SLC13A3: variants seen among roughly 807,000 people sequenced by gnomAD.
SLC13A3 encodes the protein solute carrier family 13 member 3, also known as Na(+)/dicarboxylate cotransporter 3.
Under a neutral mutation model 59.0 loss-of-function variants are expected in SLC13A3, and 40 were observed. The observed-to-expected ratio is 0.68, with a 90% confidence interval of 0.53 to 0.88. The LOEUF (loss-of-function observed/expected upper bound fraction) is 0.88. Ranked by LOEUF, SLC13A3 falls within the 40% of genes least tolerant of loss-of-function variation. The probability of loss-of-function intolerance (pLI) is 0.00; values close to 1 mark genes in which losing one functional copy is unlikely to be tolerated. For missense variants in SLC13A3, 699 were observed against 783.2 expected (o/e 0.89, Z 1.28); for synonymous variants, 317 against 330.3 (o/e 0.96, Z 0.44).
intron 9 of SLC13A3, among the ~76,000 whole-genome samples, chr20:46,576,609 GGTAACTCC>G (rs1232680584): frequency 2.6e-5 from 4 of 152,106 alleles, no homozygotes; most frequent in Non-Finnish European, 5.9e-5. Context: ...GACACCTGAT[GGTAACTCC>G]GTAAATATTT....
intron 1 of SLC13A3, among the ~76,000 whole-genome samples, chr20:46,646,127 G>T (rs2062891961): frequency 6.6e-6 from 1 of 152,138 alleles, no homozygotes; most frequent in Non-Finnish European, 1.5e-5. Context: ...GCCAGAGAAG[G>T]TGCTCAATCC....
intron 8 of SLC13A3, chr20:46,584,511 A>T: frequency 1.0e-6 from 1 of 984,854 alleles, no homozygotes; most frequent in African/African-American, 1.7e-5. Context: ...CCACTCACAC[A>T]TTTGGAAAGG....
intron 12 of SLC13A3, 121 bp downstream of exon 12, chr20:46,563,293 A>C: frequency 8.6e-7 from 1 of 1,163,510 alleles, no homozygotes; most frequent in Admixed American, 2.8e-5. Context: ...CCCACTCAGA[A>C]AGATCTATTC....
chr20:46,681,116 GCTGGAC>G (rs750975751), intron 1 of SLC13A3, among the ~76,000 whole-genome samples: 5 of 152,252 alleles, frequency 3.3e-5, no homozygotes, highest in Non-Finnish European at 7.3e-5. Context: ...CCAGGCCGCG[GCTGGAC>G]CTTGTCATCC....
chr20:46,674,637 T>TG (rs1164243949), upstream of SLC13A3, among the ~76,000 whole-genome samples: 1 of 63,868 alleles, frequency 1.6e-5, no homozygotes, highest in Non-Finnish European at 3.6e-5. Context: ...GTGTGTGTGT[T>TG]TGTTTGGAGG....
At chr20:46,669,816 G>C (rs1450523752) in intron 1 of SLC13A3, among the ~76,000 whole-genome samples, 1 of 152,162 alleles carries the variant, frequency 6.6e-6, no homozygotes, top group Non-Finnish European at 1.5e-5. Flanking sequence ...TTGATGGTTA[G>C]ACTTAGAATT....
At chr20:46,633,913 G>A (rs1375295360) in intron 1 of SLC13A3, among the ~76,000 whole-genome samples, 2 of 152,244 alleles carry the variant, frequency 1.3e-5, no homozygotes, top group South Asian at 2.1e-4. Flanking sequence ...GTTTAGAAAT[G>A]ATAAAGCACA....
chr20:46,640,622 C>T (rs1390286357), intron 1 of SLC13A3, among the ~76,000 whole-genome samples: 1 of 152,248 alleles, frequency 6.6e-6, no homozygotes, highest in African/African-American at 2.4e-5. Flanking sequence ...ATTATGCCCA[C>T]TTTGCAGATG....
At position 46,583,615 on chromosome 20, in the gene SLC13A3, G is replaced by T; in HGVS notation, c.1176C>A (p.Phe392Leu). The change falls in exon 9 of 13, where the codon TTC becomes TTA. Residue 392 changes from phenylalanine (F) to leucine (L), a missense_variant. Physicochemically the swap from Phe to Leu is conservative, Grantham distance 22 (BLOSUM62 0). Transcript: ENST00000279027. ...GVAIVTILFF[F>L]PSQRPSLKWW... Reference sequence around the variant, plus strand: ...ACTTGAGAGAGGGCCTTTGGGACGGGAAGAAGAACAAGATGGTGACAATAG... The same window carrying T: ...ACTTGAGAGAGGGCCTTTGGGACGGTAAGAAGAACAAGATGGTGACAATAG... The T allele has an allele frequency of 6.2e-7, 1 of 1,613,788 alleles. No homozygotes were observed. Among genetic ancestry groups the T allele is most frequent in the Non-Finnish European group, 8.5e-7 (1 of 1,179,920 alleles).
chr20:46,637,813 A>G (rs984927433), intron 1 of SLC13A3, among the ~76,000 whole-genome samples: 23 of 152,142 alleles, frequency 1.5e-4, no homozygotes, highest in South Asian at 4.1e-4. Context: ...GCAAAGCTGG[A>G]GTCCAGGAAG....
At position 46,651,303 on chromosome 20, in the gene SLC13A3, G is replaced by A. The variant is rs2062949295; in HGVS notation, c.111+8C>T. The A allele has an allele frequency of 6.7e-7, 1 of 1,494,052 alleles. No homozygotes were observed. The allele number at this position is 1,494,052 out of a possible 1,614,324, so 92.5% of individuals were successfully genotyped here. On this transcript the variant is annotated splice_region_variant and intron_variant, in intron 1 of 12. Transcript: ENST00000279027. ...TGACCGGGGGCGCACAGGCGGAGGA[G>A]GCGTTACCTTGGGCGGGAGGGCGAA...
intron 11 of SLC13A3, 126 bp from the exon 12 acceptor site, chr20:46,563,677 A>G: frequency 3.0e-6 from 3 of 1,011,288 alleles, no homozygotes; most frequent in Non-Finnish European, 4.3e-6. Flanking sequence ...AGAGAGACAA[A>G]GACATCCATA....
chr20:46,632,982 T>C (rs1375119455), intron 1 of SLC13A3, among the ~76,000 whole-genome samples: 4 of 151,934 alleles, frequency 2.6e-5, no homozygotes, highest in Admixed American at 1.3e-4. Context: ...TATGTATCTA[T>C]CATCTATCTA....
chr20:46,583,060 C>G, intron 9 of SLC13A3: 1 of 985,804 alleles, frequency 1.0e-6, no homozygotes, highest in South Asian at 4.7e-5. Context: ...AGGTGCAACT[C>G]CTGCTTTGGG....
At chr20:46,585,084 T>C (rs2062177838) in intron 8 of SLC13A3, 1 of 907,056 alleles carries the variant, frequency 1.1e-6, no homozygotes, top group African/African-American at 1.8e-5. Flanking sequence ...TCCCATTCTG[T>C]AGAGTACTAT....
At chr20:46,679,646 G>A (rs901688225) in intron 1 of SLC13A3, among the ~76,000 whole-genome samples, 3 of 151,974 alleles carry the variant, frequency 2.0e-5, no homozygotes, top group African/African-American at 4.8e-5. Context: ...ATGGGCTCAC[G>A]CCTGTAATCC....
chr20:46,576,276 T>C (rs1191793754), intron 9 of SLC13A3, among the ~76,000 whole-genome samples: 1 of 152,068 alleles, frequency 6.6e-6, no homozygotes, highest in Admixed American at 6.6e-5. Flanking sequence ...CCAGAGACCA[T>C]ACCTAAACGT....
chr20:46,639,106 G>A (rs1386719256), intron 1 of SLC13A3, among the ~76,000 whole-genome samples: 2 of 151,702 alleles, frequency 1.3e-5, no homozygotes, highest in African/African-American at 2.4e-5. Context: ...ACTGAAGCAC[G>A]AAGAGGTTAA....
At chr20:46,592,682 A>T (rs896996657) in intron 5 of SLC13A3, among the ~76,000 whole-genome samples, 153 bp from the exon 6 acceptor site, 26 of 152,186 alleles carry the variant, frequency 1.7e-4, no homozygotes, top group African/African-American at 6.3e-4. Context: ...CAATTCTAAT[A>T]GAAGCACCCT....
Sources: allele counts gnomAD v4.1 joint callset (sites outside exome capture counted in the v4.1 genomes callset), GRCh38; gene constraint gnomAD v4.1.1; transcripts MANE v1.5; gene names NCBI Gene and HGNC (gene_info 2026-07-23, HGNC 2026-07-21).